Variants in CFAP96 observed in about 807,000 individuals in gnomAD.
CFAP96 encodes cilia-and flagella-associated protein 96.
chr4:185,432,317 T>C, the CFAP96 span: 1 of 769,708 alleles, frequency 1.3e-6, no homozygotes, highest in East Asian at 2.7e-5. Context: ...GTATTATTCT[T>C]AGTTTGTCTT....
chr4:185,414,422 T>C, the CFAP96 span, among the ~76,000 whole-genome samples: 1 of 152,174 alleles, frequency 6.6e-6, no homozygotes, highest in Non-Finnish European at 1.5e-5. Context: ...AAACATGTAA[T>C]AGGTATTTTA....
chr4:185,439,747 CAT>C, the CFAP96 span, among the ~76,000 whole-genome samples: 301 of 148,302 alleles, frequency 2.0e-3, 1 homozygote, highest in African/African-American at 7.1e-3. Context: ...ATAATATATA[CAT>C]ATCTCATATA....
chr4:185,445,272 T>C, the CFAP96 span: 4 of 778,780 alleles, frequency 5.1e-6, no homozygotes, highest in South Asian at 2.0e-5. Flanking sequence ...GCTCCTTCCA[T>C]GTACAGGTAC....
chr4:185,426,553 G>A, the CFAP96 span: 2 of 152,428 alleles, frequency 1.3e-5, no homozygotes, highest in African/African-American at 4.8e-5. Flanking sequence ...TTTTGCAAGG[G>A]AACGTGCCAT....
At chr4:185,442,644 C>G in the CFAP96 span, among the ~76,000 whole-genome samples, 2 of 152,100 alleles carry the variant, frequency 1.3e-5, no homozygotes, top group Non-Finnish European at 2.9e-5. Flanking sequence ...TGCCCAATTC[C>G]TTAAGCCAGC....
the CFAP96 span, among the ~76,000 whole-genome samples, chr4:185,411,039 CA>C: frequency 7.3e-6 from 1 of 137,574 alleles, no homozygotes; most frequent in African/African-American, 2.7e-5. Flanking sequence ...AAAGAAAGAG[CA>C]AAAAAAAAGA....
chr4:185,415,518 T>C, the CFAP96 span, among the ~76,000 whole-genome samples: 3 of 152,300 alleles, frequency 2.0e-5, no homozygotes, highest in South Asian at 6.2e-4. Context: ...TCTTTGTGGA[T>C]AAAGGGAAAT....
At chr4:185,443,348 T>A in the CFAP96 span, among the ~76,000 whole-genome samples, 39 of 62,074 alleles carry the variant, frequency 6.3e-4, no homozygotes, top group African/African-American at 1.8e-3. Flanking sequence ...ATATATTTTT[T>A]TTTTTTTTTT....
At chr4:185,415,334 G>A in the CFAP96 span, 11 of 1,583,382 alleles carry the variant, frequency 6.9e-6, no homozygotes, top group Non-Finnish European at 9.4e-6. Flanking sequence ...GCATCAACCA[G>A]GAGTTTACGA....
chr4:185,443,342 A>ATATATATT, the CFAP96 span, among the ~76,000 whole-genome samples: 12 of 26,726 alleles, frequency 4.5e-4, no homozygotes, highest in South Asian at 8.4e-3. Context: ...ATATATATAT[A>ATATATATT]TTTTTTTTTT....
chr4:185,422,791 T>C, the CFAP96 span, among the ~76,000 whole-genome samples: 1 of 152,216 alleles, frequency 6.6e-6, no homozygotes, highest in Non-Finnish European at 1.5e-5. Flanking sequence ...CCTGGGGAGC[T>C]TGAAATACTG....
At chr4:185,447,206 G>A in the CFAP96 span, among the ~76,000 whole-genome samples, 69 of 149,964 alleles carry the variant, frequency 4.6e-4, no homozygotes, top group Middle Eastern at 3.4e-3. Flanking sequence ...TTTTGAGACG[G>A]AGTCTCACTC....
At chr4:185,432,164 G>A in the CFAP96 span, 29 of 1,551,642 alleles carry the variant, frequency 1.9e-5, no homozygotes, top group Non-Finnish European at 2.5e-5. Flanking sequence ...AAAAAATCTA[G>A]GCAAAGCATT....
chr4:185,436,789 C>CT, the CFAP96 span, among the ~76,000 whole-genome samples: 1 of 151,418 alleles, frequency 6.6e-6, no homozygotes, highest in Non-Finnish European at 1.5e-5. Context: ...ATTTGTATCA[C>CT]TGGGGCAGTG....
the CFAP96 span, chr4:185,426,254 A>T: frequency 4.5e-6 from 1 of 223,076 alleles, no homozygotes; most frequent in Admixed American, 5.2e-5. Context: ...TGGAACGTGC[A>T]GAGGCGCTGC....
At chr4:185,446,866 A>T in the CFAP96 span, among the ~76,000 whole-genome samples, 11 of 152,296 alleles carry the variant, frequency 7.2e-5, no homozygotes, top group African/African-American at 2.6e-4. Flanking sequence ...TTTGCTTAAA[A>T]ACCTGAAGTT....
At chr4:185,424,436 A>G in the CFAP96 span, among the ~76,000 whole-genome samples, 1 of 152,244 alleles carries the variant, frequency 6.6e-6, no homozygotes, top group Non-Finnish European at 1.5e-5. Flanking sequence ...ATCCTTTGTC[A>G]CATTTCTATA....
At chr4:185,428,701 C>T in the CFAP96 span, among the ~76,000 whole-genome samples, 1 of 151,920 alleles carries the variant, frequency 6.6e-6, no homozygotes, top group Non-Finnish European at 1.5e-5. Flanking sequence ...TTGAAGTATA[C>T]CTGTTAACAA....
chr4:185,416,951 A>C, the CFAP96 span, among the ~76,000 whole-genome samples: 2 of 152,240 alleles, frequency 1.3e-5, no homozygotes, highest in Non-Finnish European at 2.9e-5. Flanking sequence ...GAAATTATCA[A>C]TGGATGCTAA....
Sources: allele counts gnomAD v4.1 joint callset (sites outside exome capture counted in the v4.1 genomes callset), GRCh38; gene constraint gnomAD v4.1.1; transcripts MANE v1.5; gene names NCBI Gene and HGNC (gene_info 2026-07-23, HGNC 2026-07-21).